CMKLR1: variants seen among roughly 807,000 people sequenced by gnomAD.
CMKLR1 encodes the protein chemerin-like receptor 1.
Under a neutral mutation model 8.2 loss-of-function variants are expected in CMKLR1, and 6 were observed. The observed-to-expected ratio is 0.73, with a 90% CI of 0.40 to 1.44. CMKLR1 has a LOEUF of 1.44. CMKLR1 is among the 40% of genes most tolerant of loss of function. The pLI, the probability that CMKLR1 is intolerant of heterozygous loss-of-function variation, is 0.02. For missense variants in CMKLR1, 429 were observed against 478.0 expected (o/e 0.90, Z 0.96); for synonymous variants, 178 against 181.2 (o/e 0.98, Z 0.14).
Position 108,289,566 on chromosome 12 carries a change from G to A in CMKLR1, c.*2275C>T, listed in dbSNP as rs947125084. The A allele has an allele frequency of 7.9e-5, 12 of 152,202 alleles. No individual in the cohort carries two copies. Among genetic ancestry groups the A allele is most frequent in the African/African-American group, 2.9e-4 (12 of 41,440 alleles). 9.4% of individuals were successfully genotyped at this position (152,202 alleles called of 1,614,324 possible). A position where few individuals can be genotyped will look rare whatever the true frequency, so the allele number is the denominator to read the frequency against. ...CCTGGCCTGGACTGCCAGAAGCCCA[G>A]GAAAAGCAGCATCCTACAAGCCAGG... is the stretch of plus-strand genomic sequence containing the variant. On this transcript the variant is annotated 3_prime_UTR_variant, in exon 4 of 4. Transcript: ENST00000550402.
At chr12:108,305,333 C>A (rs561315217) in intron 2 of CMKLR1, among the ~76,000 whole-genome samples, 7 of 152,232 alleles carry the variant, frequency 4.6e-5, no homozygotes, top group African/African-American at 9.6e-5. Context: ...AGCATCAGCT[C>A]GGGATTTGAA....
In CMKLR1 at chr12:108,312,565, C is replaced by A. The variant is rs541126388; in HGVS notation, c.-74+17430G>T. Among the ~76,000 whole-genome samples the A allele has an allele frequency of 3.3e-5, 5 of 152,314 alleles. No homozygotes were observed. The East Asian group carries it at 7.7e-4, about 24-fold the overall frequency. On this transcript the variant is annotated intron_variant, in intron 2 of 3. Coordinates refer to ENST00000550402, the MANE Select transcript of CMKLR1 (RefSeq NM_001142343.2). Reference sequence around the variant, plus strand: ...ACTCAGTGCCTCCACTCACAACAAACCTTCGAGGTAGATATTTTCATTCCC... The same window carrying A: ...ACTCAGTGCCTCCACTCACAACAAAACTTCGAGGTAGATATTTTCATTCCC...
intron 2 of CMKLR1, among the ~76,000 whole-genome samples, chr12:108,301,837 G>A (rs962343953): frequency 6.6e-6 from 1 of 152,112 alleles, no homozygotes; most frequent in East Asian, 1.9e-4. Flanking sequence ...TGGGAATCCA[G>A]CCTCCACCTC....
At chr12:108,323,956 A>T (rs1891921872) in intron 2 of CMKLR1, among the ~76,000 whole-genome samples, 1 of 152,198 alleles carries the variant, frequency 6.6e-6, no homozygotes, top group Non-Finnish European at 1.5e-5. Flanking sequence ...ACAGAGGACT[A>T]CTTCCAGCTC....
chr12:108,331,297 G>T (rs1247895627), intron 1 of CMKLR1, among the ~76,000 whole-genome samples: 1 of 152,168 alleles, frequency 6.6e-6, no homozygotes, highest in Non-Finnish European at 1.5e-5. Flanking sequence ...GAGTCAGCAG[G>T]TTCATAAGTG....
intron 2 of CMKLR1, among the ~76,000 whole-genome samples, chr12:108,307,588 G>C (rs377322083): frequency 1.3e-5 from 2 of 152,162 alleles, no homozygotes; most frequent in African/African-American, 4.8e-5. Context: ...CCCATGCCTC[G>C]CTCCTTCCTT....
chr12:108,309,982 G>C (rs1329844762), intron 2 of CMKLR1, among the ~76,000 whole-genome samples: 1 of 152,188 alleles, frequency 6.6e-6, no homozygotes, highest in Non-Finnish European at 1.5e-5. Context: ...TGGTCACTGA[G>C]TGTGTGGCCC....
At chr12:108,300,244 C>T (rs561560215) in intron 2 of CMKLR1, among the ~76,000 whole-genome samples, 28 of 152,228 alleles carry the variant, frequency 1.8e-4, no homozygotes, top group Admixed American at 8.5e-4. Context: ...GGAGCAGGTG[C>T]GCCAGGGAAC....
intron 2 of CMKLR1, among the ~76,000 whole-genome samples, chr12:108,321,894 G>A (rs555980685): frequency 1.3e-5 from 2 of 152,304 alleles, no homozygotes; most frequent in South Asian, 2.1e-4. Flanking sequence ...CTCCAGTGTT[G>A]GAGGTAGGGC....
intron 2 of CMKLR1, among the ~76,000 whole-genome samples, chr12:108,324,520 A>C (rs1042973044): frequency 6.6e-6 from 1 of 152,168 alleles, no homozygotes; most frequent in East Asian, 1.9e-4. Flanking sequence ...GCAGACGGGA[A>C]GCCAGAGCAC....
chr12:108,309,944 G>A lies in CMKLR1; in HGVS notation c.-73-16280C>T, dbSNP rs544913237. ...GGACATGAAAAATGTTCATAAATGG[G>A]TCATTTGGGTCTCCTGCCTGGCCCT... On this transcript the variant is annotated intron_variant, in intron 2 of 3. Coordinates refer to ENST00000550402, the MANE Select transcript of CMKLR1 (RefSeq NM_001142343.2). Among the ~76,000 whole-genome samples, 13 of 152,302 alleles carry A rather than the reference G, an allele frequency of 8.5e-5. No homozygotes were observed. In the South Asian group the frequency reaches 2.3e-3, roughly 27 times the overall value.
rs1326297827 is a variant in CMKLR1, at chr12:108,292,139, G to T, written c.824C>A (p.Pro275His). The T allele has an allele frequency of 7.4e-6, 12 of 1,614,068 alleles. No homozygotes were observed. Among genetic ancestry groups the T allele is most frequent in the Non-Finnish European group, 1.0e-5 (12 of 1,180,026 alleles). Residue 275 changes from proline to histidine, a missense_variant, in exon 4 of 4, where the codon CCC (proline) becomes CAC (histidine). Coordinates refer to ENST00000550402, the MANE Select transcript of CMKLR1 (RefSeq NM_001142343.2). ...CTCTAGGAGGTTGAGTGTGTGGTAGGGGCACCAGCAGAGGAAGAAGGTAAT... is the reference window on the plus strand; with the variant it reads ...CTCTAGGAGGTTGAGTGTGTGGTAGTGGCACCAGCAGAGGAAGAAGGTAAT... Reference protein sequence around the residue: ...IIITFFLCWCPYHTLNLLELH... With the variant: ...IIITFFLCWCHYHTLNLLELH...
At chr12:108,316,949 A>G (rs1277606089) in intron 2 of CMKLR1, among the ~76,000 whole-genome samples, 1 of 150,680 alleles carries the variant, frequency 6.6e-6, no homozygotes, top group Non-Finnish European at 1.5e-5. Context: ...CTACAGGCAT[A>G]CACCACCACA....
rs563122511 is a variant in CMKLR1 at position 108,291,448 on chromosome 12, T to C, written c.*393A>G. 82 of 203,564 alleles carry C rather than the reference T, an allele frequency of 4.0e-4. No homozygotes were observed. The highest frequency in any genetic ancestry group is 2.0e-3 in the Middle Eastern group (1 of 498). The allele number at this position is 203,564 out of a possible 1,614,324, so 12.6% of individuals were successfully genotyped here. On this transcript the variant is annotated 3_prime_UTR_variant, in exon 4 of 4. Transcript: ENST00000550402. ...GTGATCTGCATCACACTGGGTTTGC[T>C]CTGACCCCCTCACTGCTCACACCAG... is the stretch of plus-strand genomic sequence containing the variant.
intron 1 of CMKLR1, among the ~76,000 whole-genome samples, chr12:108,333,745 C>T (rs1218729830): frequency 6.6e-6 from 1 of 152,220 alleles, no homozygotes. Flanking sequence ...TACCAGCCAA[C>T]GTCACCCAGA....
rs1890890917 is a variant in CMKLR1, at chr12:108,289,255, A to C, written c.*2586T>G. On this transcript the variant is annotated 3_prime_UTR_variant, in exon 4 of 4. Transcript: ENST00000550402. ...CCCAGAGAGAAGGCTCTGGGCACTA[A>C]GTATGTTGGTTGCCTGTGCAGCAGT... 1 of 152,258 alleles carries C rather than the reference A, an allele frequency of 6.6e-6. No individual in the cohort carries two copies. Among genetic ancestry groups the C allele is most frequent in the Non-Finnish European group, 1.5e-5 (1 of 68,084 alleles). The allele number at this position is 152,258 out of a possible 1,614,324, so 9.4% of individuals were successfully genotyped here.
At chr12:108,300,804 A>T (rs1235211783) in intron 2 of CMKLR1, among the ~76,000 whole-genome samples, 1 of 152,228 alleles carries the variant, frequency 6.6e-6, no homozygotes, top group Non-Finnish European at 1.5e-5. Flanking sequence ...ACTGCCTAGC[A>T]TAAGAAAGTT....
intron 2 of CMKLR1, among the ~76,000 whole-genome samples, chr12:108,322,314 C>T (rs1341622741): frequency 6.6e-6 from 1 of 152,202 alleles, no homozygotes; most frequent in Non-Finnish European, 1.5e-5. Context: ...AGTCATGCCA[C>T]CCCTTTGGGA....
At chr12:108,322,075 T>C (rs895529168) in intron 2 of CMKLR1, among the ~76,000 whole-genome samples, 10 of 152,212 alleles carry the variant, frequency 6.6e-5, no homozygotes, top group African/African-American at 2.4e-4. Context: ...TCTTTGCTTT[T>C]GGGTAATCAG....
Sources: allele counts gnomAD v4.1 joint callset (sites outside exome capture counted in the v4.1 genomes callset), GRCh38; gene constraint gnomAD v4.1.1; transcripts MANE v1.5; gene names NCBI Gene and HGNC (gene_info 2026-07-23, HGNC 2026-07-21).